Variants in FOXP2 observed in about 807,000 individuals in gnomAD.
The protein encoded by FOXP2 is forkhead box P2, also known as forkhead box protein P2.
In FOXP2, 12 loss-of-function variants were observed where a neutral mutation model predicts 115.8. That is an observed-to-expected ratio of 0.10 (90% CI 0.07 to 0.17). The LOEUF (loss-of-function observed/expected upper bound fraction) is 0.17, where lower values mean the gene tolerates loss of function less well. FOXP2 is among the 10% of genes least tolerant of loss of function. FOXP2 has a pLI of 1.00. For synonymous variants in FOXP2, 328 were observed against 297.7 expected (o/e 1.10, Z -1.05); for missense variants, 629 against 843.5 (o/e 0.75, Z 3.15).
chr7:114,606,683 A>G (rs986503612), intron 3 of FOXP2, among the ~76,000 whole-genome samples: 6 of 152,180 alleles, frequency 3.9e-5, no homozygotes, highest in African/African-American at 1.4e-4. Flanking sequence ...TGGTAACATA[A>G]TGTTTTGTAT....
chr7:114,661,963 A>G (rs1265643155), intron 13 of FOXP2, 102 bp from the exon 14 acceptor site: 19 of 1,445,840 alleles, frequency 1.3e-5, no homozygotes, highest in Non-Finnish European at 1.8e-5. Context: ...ACATGTTAAG[A>G]TTTTTCACTC....
At chr7:114,190,033 G>C (rs17136839) in intron 1 of FOXP2, among the ~76,000 whole-genome samples, 1,829 of 152,210 alleles carry the variant, frequency 0.012, 45 homozygotes, top group African/African-American at 0.041. Context: ...ATGCATTCTA[G>C]CATTATTTAC....
intron 16 of FOXP2, among the ~76,000 whole-genome samples, chr7:114,674,371 A>G (rs953568276): frequency 2.0e-5 from 3 of 152,270 alleles, no homozygotes; most frequent in African/African-American, 4.8e-5. Context: ...GTTCACTCCA[A>G]TTTTTGAATC....
chr7:114,630,055 G>A, intron 5 of FOXP2, 50 bp downstream of exon 5: 3 of 1,601,594 alleles, frequency 1.9e-6, no homozygotes, highest in Non-Finnish European at 2.5e-6. Context: ...GTTAAGAAGG[G>A]GCTTTGAGCG....
intron 2 of FOXP2, among the ~76,000 whole-genome samples, chr7:114,390,043 A>AAG (rs1554382587): frequency 2.1e-5 from 3 of 144,062 alleles, no homozygotes; most frequent in African/African-American, 5.3e-5. Context: ...AAAAAAAAAA[A>AAG]GCATAACAAG....
At chr7:114,530,737 C>A (rs528838645) in intron 2 of FOXP2, among the ~76,000 whole-genome samples, 7 of 151,758 alleles carry the variant, frequency 4.6e-5, no homozygotes, top group Non-Finnish European at 7.4e-5. Context: ...CTGTGAGGTT[C>A]ATAACTAGCA....
chr7:114,208,378 C>A (rs763479077), intron 1 of FOXP2, among the ~76,000 whole-genome samples: 1 of 152,150 alleles, frequency 6.6e-6, no homozygotes, highest in Non-Finnish European at 1.5e-5. Flanking sequence ...GCGTGTACCC[C>A]CATTGTATCT....
At chr7:114,312,612 A>G (rs181710576) in intron 2 of FOXP2, among the ~76,000 whole-genome samples, 41 of 152,320 alleles carry the variant, frequency 2.7e-4, no homozygotes, top group African/African-American at 9.9e-4. Context: ...GGATACTGGC[A>G]GGACACATGA....
At chr7:114,297,811 A>C (rs1584617518) in intron 2 of FOXP2, among the ~76,000 whole-genome samples, 1 of 152,188 alleles carries the variant, frequency 6.6e-6, no homozygotes, top group East Asian at 1.9e-4. Flanking sequence ...CTTGTGAGTG[A>C]ACTGACAGAG....
Position 114,523,770 on chromosome 7 carries a change from G to A in FOXP2, c.169-10847G>A, listed in dbSNP as rs545963355. ...CCTTTTGCTATCCATTAATAACCTC[G>A]TGAGCGTTCCTTCTCACAGAAACGC... On this transcript the variant is annotated intron_variant, in intron 2 of 16. Transcript: ENST00000350908. 8.5e-5 allele frequency among the ~76,000 whole-genome samples: 13 copies of A among 152,124 alleles called. No homozygotes were observed. In the East Asian group the frequency reaches 1.7e-3, roughly 20 times the overall value.
At chr7:114,685,044 A>G (rs956276765) in intron 16 of FOXP2, among the ~76,000 whole-genome samples, 1 of 152,040 alleles carries the variant, frequency 6.6e-6, no homozygotes, top group Admixed American at 6.6e-5. Context: ...TAACACTGAT[A>G]AACATCTCTT....
At chr7:114,184,140 C>T (rs912797190) in intron 1 of FOXP2, among the ~76,000 whole-genome samples, 2 of 152,254 alleles carry the variant, frequency 1.3e-5, no homozygotes, top group East Asian at 3.9e-4. Flanking sequence ...GTGAATGTTA[C>T]TATTTTGCCA....
At chr7:114,112,461 G>T (rs1791296159) in intron 1 of FOXP2, among the ~76,000 whole-genome samples, 1 of 151,908 alleles carries the variant, frequency 6.6e-6, no homozygotes, top group African/African-American at 2.4e-5. Context: ...CCAATGCCTG[G>T]CTAATTTTTG....
chr7:114,649,762 G>A (rs1231023773), intron 8 of FOXP2, among the ~76,000 whole-genome samples: 1 of 152,066 alleles, frequency 6.6e-6, no homozygotes, highest in Non-Finnish European at 1.5e-5. Context: ...GAAGGGAGAT[G>A]TGGCAGAGGT....
intron 2 of FOXP2, among the ~76,000 whole-genome samples, chr7:114,529,008 G>A (rs1016742091): frequency 3.3e-5 from 5 of 151,580 alleles, no homozygotes; most frequent in Non-Finnish European, 7.4e-5. Flanking sequence ...AAAGTTGGAC[G>A]GAATTCATTA....
In FOXP2 at chr7:114,640,761, T is replaced by C. The variant is rs917251876; in HGVS notation, c.776-1649T>C. ...TTGGGAGAGGTAGTTTGAGTTGCACTTTCATCTTTATATTAGATGTTATAG... is the reference window on the plus strand; with the variant it reads ...TTGGGAGAGGTAGTTTGAGTTGCACCTTCATCTTTATATTAGATGTTATAG... On this transcript the variant is annotated intron_variant, in intron 6 of 16. Transcript: ENST00000350908. 3.3e-5 allele frequency among the ~76,000 whole-genome samples: 5 copies of C among 152,316 alleles called. No homozygotes were observed. The East Asian group carries it at 9.6e-4, about 29-fold the overall frequency.
intron 1 of FOXP2, among the ~76,000 whole-genome samples, chr7:114,140,367 T>C (rs1418546945): frequency 6.6e-6 from 1 of 152,200 alleles, no homozygotes; most frequent in East Asian, 1.9e-4. Context: ...AAATGTGTTC[T>C]GTCCATTGAG....
chr7:114,476,858 A>AT (rs1278701902), intron 2 of FOXP2, among the ~76,000 whole-genome samples: 1 of 151,792 alleles, frequency 6.6e-6, no homozygotes, highest in African/African-American at 2.4e-5. Flanking sequence ...TAGGTATTTC[A>AT]TTTTCTTTGT....
At chr7:114,190,535 C>T (rs1417797798) in intron 1 of FOXP2, among the ~76,000 whole-genome samples, 3 of 152,150 alleles carry the variant, frequency 2.0e-5, no homozygotes, top group Non-Finnish European at 4.4e-5. Context: ...TTTTCTGGGC[C>T]TTCATCTTGC....
Sources: gnomAD v4.1 joint callset for allele counts (sites outside exome capture counted in the v4.1 genomes callset) on GRCh38, gnomAD v4.1.1 for gene constraint, MANE v1.5 for transcripts, NCBI Gene and HGNC (gene_info 2026-07-23, HGNC 2026-07-21) for gene names.